Variants in THAP4 observed in about 807,000 individuals in gnomAD.
THAP4 encodes the protein peroxynitrite isomerase THAP4.
In THAP4, 18 loss-of-function variants were observed where a neutral mutation model predicts 48.1. The observed-to-expected ratio is 0.37, with a 90% CI of 0.26 to 0.56. The LOEUF is 0.56. THAP4 is among the 20% of genes least tolerant of loss of function. The pLI, the probability that THAP4 is intolerant of heterozygous loss-of-function variation, is 0.78. For synonymous variants in THAP4, 345 were observed against 324.9 expected (o/e 1.06, Z -0.66); for missense variants, 656 against 774.9 (o/e 0.85, Z 1.82).
chr2:241,615,781 C>T (rs944952985), intron 2 of THAP4, among the ~76,000 whole-genome samples: 1 of 152,226 alleles, frequency 6.6e-6, no homozygotes, highest in Non-Finnish European at 1.5e-5. Flanking sequence ...TCTCTTCTCC[C>T]AGGTGGGAGT....
chr2:241,590,305 G>A (rs1200701195), intron 5 of THAP4, among the ~76,000 whole-genome samples: 4 of 144,520 alleles, frequency 2.8e-5, no homozygotes, highest in South Asian at 2.3e-4. Context: ...GGCTGATGAT[G>A]AGGGGCACTA....
chr2:241,604,165 C>T (rs2067151691), intron 3 of THAP4, among the ~76,000 whole-genome samples: 1 of 152,174 alleles, frequency 6.6e-6, no homozygotes, highest in African/African-American at 2.4e-5. Context: ...CCTCCGCTTC[C>T]TGGGTTGAAA....
At chr2:241,596,675 G>T (rs530282871) in intron 5 of THAP4, among the ~76,000 whole-genome samples, 1 of 151,212 alleles carries the variant, frequency 6.6e-6, no homozygotes, top group African/African-American at 2.4e-5. Flanking sequence ...GCGTGGTGGC[G>T]CGCACCTGTA....
intron 2 of THAP4, among the ~76,000 whole-genome samples, chr2:241,628,734 T>A (rs1461985885): frequency 8.8e-5 from 11 of 124,812 alleles, no homozygotes; most frequent in African/African-American, 9.0e-5. Context: ...ACCCCATCTC[T>A]ACAAAAAAAA....
At chr2:241,590,719 T>G (rs1238198715) in intron 5 of THAP4, among the ~76,000 whole-genome samples, 1 of 119,416 alleles carries the variant, frequency 8.4e-6, no homozygotes, top group Non-Finnish European at 1.7e-5. Flanking sequence ...ACAGAACTGC[T>G]TGGCTGATGA....
intron 5 of THAP4, among the ~76,000 whole-genome samples, chr2:241,594,401 T>C (rs1339398890): frequency 1.3e-5 from 2 of 152,092 alleles, no homozygotes; most frequent in African/African-American, 4.8e-5. Flanking sequence ...CTGGGCAACA[T>C]GGCAAAAGCT....
At chr2:241,585,922 AAAAAAAAG>A (rs1221936178) in intron 5 of THAP4, among the ~76,000 whole-genome samples, 39 of 144,528 alleles carry the variant, frequency 2.7e-4, no homozygotes, top group Admixed American at 1.9e-3. Context: ...CAAAAAAAAA[AAAAAAAAG>A]AAAAAAAAAA....
intron 2 of THAP4, among the ~76,000 whole-genome samples, chr2:241,613,309 A>C (rs994909334): frequency 3.3e-5 from 5 of 152,120 alleles, no homozygotes; most frequent in Non-Finnish European, 2.9e-5. Context: ...GAAACAACAA[A>C]AAAAAACTGG....
upstream of THAP4, chr2:241,637,573 G>A (rs1315524160): frequency 1.3e-6 from 2 of 1,507,894 alleles, no homozygotes; most frequent in East Asian, 2.7e-5. Flanking sequence ...GGCGGCTCCC[G>A]CGTATTTCCG....
chr2:241,597,978 C>CA lies in THAP4; in HGVS notation c.1614+3917dup, dbSNP rs66522275. 3.0e-3 allele frequency among the ~76,000 whole-genome samples: 386 copies of CA among 129,112 alleles called. 1 individual carries two copies. Among genetic ancestry groups the CA allele is most frequent in the Middle Eastern group, 0.012 (3 of 252 alleles). The allele number at this position is 129,112 out of a possible 152,430, so 84.7% of individuals were successfully genotyped here. A position where few individuals can be genotyped will look rare whatever the true frequency, so the allele number is the denominator to read the frequency against. On this transcript the variant is annotated intron_variant, in intron 5 of 5. Coordinates refer to ENST00000407315, the MANE Select transcript of THAP4 (RefSeq NM_015963.6). ...TATTTAGCAAAAATAAACATGCAAA[C>CA]AAAAAAAAAAAAACAAAAAACCCTG...
intron 5 of THAP4, among the ~76,000 whole-genome samples, chr2:241,590,928 T>C (rs35459657): frequency 3.1e-5 from 4 of 130,534 alleles, no homozygotes; most frequent in South Asian, 4.7e-4. Flanking sequence ...CTGACGATGA[T>C]GGGCACTAGG....
chr2:241,598,225 C>T (rs2067072828), intron 5 of THAP4, among the ~76,000 whole-genome samples: 1 of 152,142 alleles, frequency 6.6e-6, no homozygotes, highest in Non-Finnish European at 1.5e-5. Flanking sequence ...AGTCACGGAA[C>T]AAAGTAAAAG....
At chr2:241,634,214 C>T in intron 1 of THAP4, 135 bp from the exon 2 acceptor site, 1 of 634,476 alleles carries the variant, frequency 1.6e-6, no homozygotes, top group South Asian at 2.2e-5. Context: ...AAAAATACTT[C>T]AAAAAGATTT....
chr2:241,633,329 G>A lies in THAP4; in HGVS notation c.828C>T (p.Pro276=), dbSNP rs575990048. The A allele has an allele frequency of 5.0e-5, 81 of 1,612,506 alleles. 3 individuals are homozygous for A. The South Asian group carries it at 7.8e-4, about 16-fold the overall frequency. ...EPSCSGSSLG[P]DKGLAQSPPS... ...GAGGGCTCTGGGCCAGGCCCTTGTC[G>A]GGTCCCAGGCTGCTCCCACTGCAGC... Residue 276 remains proline (P), a synonymous_variant, in exon 2 of 6, where the codon CCC becomes CCT. Transcript: ENST00000407315. This position sits in a 1 kb window ranked among gnomAD's most constrained non-coding sequence, Gnocchi z 7.5.
rs1314653105 is a variant in THAP4, at chr2:241,601,326, T to A, written c.1614+570A>T. Reference sequence around the variant, plus strand: ...ACAGGCAAAGACTTTAAATATCAAGTGCACAGAATAAGAAGCGTAAACAGC... The same window carrying A: ...ACAGGCAAAGACTTTAAATATCAAGAGCACAGAATAAGAAGCGTAAACAGC... On this transcript the variant is annotated intron_variant, in intron 5 of 5. Coordinates refer to ENST00000407315, the MANE Select transcript of THAP4 (RefSeq NM_015963.6). This position sits in a 1 kb window ranked among gnomAD's most constrained non-coding sequence, Gnocchi z 4.0. Among the ~76,000 whole-genome samples, 1 of 152,116 alleles carries A rather than the reference T, an allele frequency of 6.6e-6. No homozygotes were observed. Among genetic ancestry groups the A allele is most frequent in the East Asian group, 1.9e-4 (1 of 5,188 alleles).
chr2:241,601,852 G>A lies in THAP4; in HGVS notation c.1614+44C>T. The stretch of plus-strand genomic sequence containing the variant: ...GAAGAGGCTGACTCCACAGACCGCT[G>A]CAAACAGAAGACAGGAGCGTGCTGG... On this transcript the variant is annotated intron_variant, in intron 5 of 5. Transcript: ENST00000407315. This position sits in a 1 kb window ranked among gnomAD's most constrained non-coding sequence, Gnocchi z 4.0. 1 of 1,610,854 alleles carries A rather than the reference G, an allele frequency of 6.2e-7. No homozygotes were observed. The highest frequency in any genetic ancestry group is 1.1e-5 in the South Asian group (1 of 90,232).
chr2:241,601,799 G>C lies in THAP4; in HGVS notation c.1614+97C>G. ...GAAGACAGGCCTGTGAGACACAGTGGCAAGACACGCACTACCTCACGGAAG... is the reference window on the plus strand; with the variant it reads ...GAAGACAGGCCTGTGAGACACAGTGCCAAGACACGCACTACCTCACGGAAG... On this transcript the variant is annotated intron_variant, in intron 5 of 5. Transcript: ENST00000407315. This position sits in a 1 kb window ranked among gnomAD's most constrained non-coding sequence, Gnocchi z 4.0. The C allele has an allele frequency of 6.4e-7, 1 of 1,559,986 alleles. No homozygotes were observed. The highest frequency in any genetic ancestry group is 8.7e-7 in the Non-Finnish European group (1 of 1,149,944).
intron 2 of THAP4, among the ~76,000 whole-genome samples, chr2:241,626,756 G>C (rs2067499662): frequency 6.6e-6 from 1 of 151,968 alleles, no homozygotes; most frequent in African/African-American, 2.4e-5. Flanking sequence ...TAGAGACAGG[G>C]CTTCACCCTG....
At chr2:241,609,330 T>C (rs1215539252) in intron 2 of THAP4, among the ~76,000 whole-genome samples, 1 of 152,164 alleles carries the variant, frequency 6.6e-6, no homozygotes, top group Non-Finnish European at 1.5e-5. Context: ...AAAGGAAGAA[T>C]GAGAAGAACC....
Sources: gnomAD v4.1 joint callset for allele counts (sites outside exome capture counted in the v4.1 genomes callset) on GRCh38, gnomAD v4.1.1 for gene constraint, Gnocchi (gnomAD v3.1) non-coding constraint, MANE v1.5 for transcripts, NCBI Gene and HGNC (gene_info 2026-07-23, HGNC 2026-07-21) for gene names.